SLC35D4: variants seen among roughly 807,000 people sequenced by gnomAD.
SLC35D4 encodes the protein UDP-N-acetylglucosamine transporter SLC35D4.
the SLC35D4 span, among the ~76,000 whole-genome samples, chr18:23,313,393 G>GAA: frequency 7.1e-6 from 1 of 141,542 alleles, no homozygotes. Context: ...ATAGGGAAAA[G>GAA]AAAAAAAAAA....
chr18:23,344,097 G>A, the SLC35D4 span, among the ~76,000 whole-genome samples: 1 of 152,030 alleles, frequency 6.6e-6, no homozygotes, highest in African/African-American at 2.4e-5. Context: ...GGTCAGGCTG[G>A]TCTCAAACTC....
At chr18:23,273,719 C>T in the SLC35D4 span, among the ~76,000 whole-genome samples, 1 of 152,158 alleles carries the variant, frequency 6.6e-6, no homozygotes, top group Admixed American at 6.5e-5. Flanking sequence ...CTCACGGTCA[C>T]ATTCCATTTA....
the SLC35D4 span, among the ~76,000 whole-genome samples, chr18:23,277,884 G>T: frequency 6.6e-6 from 1 of 152,190 alleles, no homozygotes; most frequent in Non-Finnish European, 1.5e-5. Context: ...AGAGGAGTCT[G>T]TCTAAAGTTG....
the SLC35D4 span, among the ~76,000 whole-genome samples, chr18:23,292,320 G>A: frequency 0.08 from 12,120 of 152,252 alleles, 616 homozygotes; most frequent in Middle Eastern, 0.18. Context: ...CAGTGGCTGC[G>A]GGTTCTGGAA....
At chr18:23,291,140 G>A in the SLC35D4 span, among the ~76,000 whole-genome samples, 4 of 152,200 alleles carry the variant, frequency 2.6e-5, no homozygotes, top group South Asian at 2.1e-4. Flanking sequence ...AATGGGGTCT[G>A]AACAAGTCAT....
chr18:23,370,921 A>G, the SLC35D4 span, among the ~76,000 whole-genome samples: 1 of 152,120 alleles, frequency 6.6e-6, no homozygotes, highest in African/African-American at 2.4e-5. Context: ...TTGAGGAAAA[A>G]CTTCAAAATA....
chr18:23,356,046 C>A, the SLC35D4 span, among the ~76,000 whole-genome samples: 10 of 152,270 alleles, frequency 6.6e-5, no homozygotes, highest in South Asian at 2.1e-3. This position sits in a 1 kb window ranked among gnomAD's most constrained non-coding sequence, Gnocchi z 4.1. Context: ...CTCCAACTGG[C>A]CTATATCCCT....
chr18:23,311,941 T>C, the SLC35D4 span, among the ~76,000 whole-genome samples: 12 of 152,322 alleles, frequency 7.9e-5, no homozygotes, highest in African/African-American at 2.9e-4. Flanking sequence ...ATGTATTTCT[T>C]GGACTTGCTG....
At chr18:23,333,443 C>T in the SLC35D4 span, among the ~76,000 whole-genome samples, 1 of 152,342 alleles carries the variant, frequency 6.6e-6, no homozygotes, top group East Asian at 1.9e-4. Flanking sequence ...ATATAGCATA[C>T]TCTAAAGAAA....
At chr18:23,406,346 G>C in the SLC35D4 span, among the ~76,000 whole-genome samples, 1 of 152,114 alleles carries the variant, frequency 6.6e-6, no homozygotes, top group African/African-American at 2.4e-5. Context: ...GCAGGGGGTG[G>C]GAAGGATGTA....
the SLC35D4 span, among the ~76,000 whole-genome samples, chr18:23,264,667 TTTTTA>T: frequency 6.6e-6 from 1 of 151,978 alleles, no homozygotes; most frequent in Non-Finnish European, 1.5e-5. Flanking sequence ...AGCCGTCATT[TTTTTA>T]TTTTGAGACA....
the SLC35D4 span, among the ~76,000 whole-genome samples, chr18:23,395,357 T>C: frequency 6.6e-6 from 1 of 152,326 alleles, no homozygotes; most frequent in African/African-American, 2.4e-5. Flanking sequence ...CCATATGTGT[T>C]TCCTCATCAA....
At chr18:23,431,426 T>A in the SLC35D4 span, among the ~76,000 whole-genome samples, 1 of 152,198 alleles carries the variant, frequency 6.6e-6, no homozygotes, top group African/African-American at 2.4e-5. Context: ...TTTCTCAGGG[T>A]ATCCACTTCA....
chr18:23,284,297 T>G, the SLC35D4 span, among the ~76,000 whole-genome samples: 1 of 152,104 alleles, frequency 6.6e-6, no homozygotes, highest in Non-Finnish European at 1.5e-5. Flanking sequence ...AGAATAGACT[T>G]TCACCATCTA....
chr18:23,277,868 G>A, the SLC35D4 span, among the ~76,000 whole-genome samples: 1 of 152,180 alleles, frequency 6.6e-6, no homozygotes, highest in African/African-American at 2.4e-5. Context: ...CCGAGGAGGA[G>A]GGCTCAGAGG....
the SLC35D4 span, among the ~76,000 whole-genome samples, chr18:23,365,843 A>G: frequency 1.3e-5 from 2 of 152,178 alleles, no homozygotes; most frequent in Non-Finnish European, 2.9e-5. Flanking sequence ...GAAATGTCTC[A>G]TGTTTTGGCA....
chr18:23,426,765 C>G, the SLC35D4 span, among the ~76,000 whole-genome samples: 3 of 152,204 alleles, frequency 2.0e-5, no homozygotes, highest in African/African-American at 7.2e-5. Context: ...TGACTTCAAA[C>G]TATACTACAA....
the SLC35D4 span, among the ~76,000 whole-genome samples, chr18:23,315,692 T>C: frequency 2.0e-5 from 3 of 152,202 alleles, no homozygotes; most frequent in Admixed American, 2.0e-4. Context: ...TCTCTACCCC[T>C]TATCCTTGAC....
At chr18:23,314,906 C>G in the SLC35D4 span, among the ~76,000 whole-genome samples, 10 of 152,230 alleles carry the variant, frequency 6.6e-5, no homozygotes, top group African/African-American at 2.4e-4. Context: ...CAACGGCTGG[C>G]ACAACCTCTG....
Sources: gnomAD v4.1 joint callset for allele counts (sites outside exome capture counted in the v4.1 genomes callset) on GRCh38, gnomAD v4.1.1 for gene constraint, Gnocchi (gnomAD v3.1) non-coding constraint, MANE v1.5 for transcripts, NCBI Gene and HGNC (gene_info 2026-07-23, HGNC 2026-07-21) for gene names.